Variants in NBAS observed in about 807,000 individuals in gnomAD.
NBAS encodes NBAS subunit of NRZ tethering complex.
NBAS carries 219 observed loss-of-function variants against 302.5 expected under a neutral mutation model. The observed-to-expected ratio is 0.72, with a 90% CI of 0.65 to 0.81. The LOEUF (loss-of-function observed/expected upper bound fraction) is 0.81. NBAS is among the 30% of genes least tolerant of loss of function. The pLI, the probability that NBAS is intolerant of heterozygous loss-of-function variation, is 0.00. For missense variants in NBAS, 2,932 were observed against 2,841.6 expected, an observed-to-expected ratio of 1.03 and a Z score of -0.72; for synonymous variants, 1,118 against 1,021.6, an observed-to-expected ratio of 1.09 and a Z score of -1.80.
rs768797335 is a variant in NBAS at position 15,427,718 on chromosome 2, C to G, written c.2416G>C (p.Ala806Pro). Reference protein sequence around the residue: ...HRAKDWCEELACRMVVEPNLQ... With the variant: ...HRAKDWCEELPCRMVVEPNLQ... Reference sequence around the variant, plus strand: ...CTGCAGGCTCATACTGACCTGCAAGCCAACTCCTCGCACCAATCTTTAGCT... The same window carrying G: ...CTGCAGGCTCATACTGACCTGCAAGGCAACTCCTCGCACCAATCTTTAGCT... The change falls in exon 22 of 52, where the codon GCT becomes CCT. Residue 806 changes from alanine (A) to proline (P), a missense_variant. Ala to Pro is a conservative substitution (Grantham distance 27). Transcript: ENST00000281513. 1.2e-6 allele frequency: 2 copies of G among 1,611,620 alleles called. No individual in the cohort carries two copies. The highest frequency in any genetic ancestry group is 3.3e-5 in the Admixed American group (2 of 59,870).
chr2:15,264,781 G>A (rs569994724), intron 44 of NBAS, among the ~76,000 whole-genome samples: 1 of 152,284 alleles, frequency 6.6e-6, no homozygotes, highest in Admixed American at 6.5e-5. Flanking sequence ...ATTCAGTCAT[G>A]TTACAACATC....
Position 15,366,711 on chromosome 2 carries a change from A to G in NBAS, c.3704-18T>C. 6.2e-7 allele frequency: 1 copy of G among 1,609,462 alleles called. No individual in the cohort carries two copies. Among genetic ancestry groups the G allele is most frequent in the South Asian group, 1.1e-5 (1 of 90,996 alleles). On this transcript the variant is annotated intron_variant, in intron 31 of 51. Transcript: ENST00000281513. ...CAATCGCACTACAAAAGAAAGACGT[A>G]TTAAAGACTTGGACCAGGGACATCA... is the stretch of plus-strand genomic sequence containing the variant.
chr2:15,550,197 G>A (rs936252808), intron 6 of NBAS, among the ~76,000 whole-genome samples: 7 of 152,064 alleles, frequency 4.6e-5, no homozygotes, highest in African/African-American at 1.7e-4. Flanking sequence ...GCATTTCCAT[G>A]AGGGAGTGGG....
At chr2:14,961,109 T>C in the NBAS span, among the ~76,000 whole-genome samples, 1 of 152,120 alleles carries the variant, frequency 6.6e-6, no homozygotes, top group African/African-American at 2.4e-5. Context: ...GTTGACTCTC[T>C]GTGGTATGAC....
intron 10 of NBAS, 134 bp from the exon 11 acceptor site, chr2:15,504,347 G>T: frequency 1.3e-6 from 1 of 779,776 alleles, no homozygotes; most frequent in Non-Finnish European, 2.1e-6. Context: ...CACCAAGAAG[G>T]TGTCAAGGAT....
At chr2:15,262,732 T>C (rs897814606) in intron 44 of NBAS, among the ~76,000 whole-genome samples, 9 of 152,184 alleles carry the variant, frequency 5.9e-5, no homozygotes, top group African/African-American at 2.2e-4. Context: ...AAAATTGTTT[T>C]CTCTGTTCTC....
chr2:15,353,598 G>T lies in NBAS; in HGVS notation c.4044C>A (p.Ser1348Arg). 6.2e-7 allele frequency: 1 copy of T among 1,614,066 alleles called. No individual in the cohort carries two copies. The highest frequency in any genetic ancestry group is 8.5e-7 in the Non-Finnish European group (1 of 1,179,966). The change falls in exon 34 of 52, where the codon AGC becomes AGA. Residue 1348 changes from serine to arginine, a missense_variant. Physicochemically the swap from Ser to Arg is moderately radical, Grantham distance 110. Coordinates refer to ENST00000281513, the MANE Select transcript of NBAS (RefSeq NM_015909.4). Reference sequence around the variant, plus strand: ...TAGCTGCCAAAAGAAGTTCAATGCTGCTAGGAGGGCAATGTGTCAAAGCAA... The same window carrying T: ...TAGCTGCCAAAAGAAGTTCAATGCTTCTAGGAGGGCAATGTGTCAAAGCAA... ...MAFALTHCPP[S>R]SIELLLAASS...
chr2:15,393,706 G>T (rs1346437133), intron 28 of NBAS: 1 of 470,284 alleles, frequency 2.1e-6, no homozygotes, highest in Non-Finnish European at 4.4e-6. Flanking sequence ...AAATGTCCAC[G>T]GACAGAGAAG....
chr2:15,109,076 C>T, the NBAS span, among the ~76,000 whole-genome samples: 1,214 of 152,144 alleles, frequency 8.0e-3, 18 homozygotes, highest in African/African-American at 0.028. Flanking sequence ...ATGCAAACTT[C>T]GGCTAATGTC....
chr2:15,022,892 T>C, the NBAS span, among the ~76,000 whole-genome samples: 1 of 152,162 alleles, frequency 6.6e-6, no homozygotes, highest in Non-Finnish European at 1.5e-5. Flanking sequence ...TACAGGTATA[T>C]GATTTTATAT....
intron 25 of NBAS, among the ~76,000 whole-genome samples, chr2:15,409,577 T>G (rs1200687676): frequency 6.6e-6 from 1 of 152,188 alleles, no homozygotes; most frequent in East Asian, 1.9e-4. Context: ...TGTTTTGCTT[T>G]TATTATTACA....
chr2:15,133,054 A>G, the NBAS span, among the ~76,000 whole-genome samples: 1 of 152,250 alleles, frequency 6.6e-6, no homozygotes, highest in East Asian at 1.9e-4. Context: ...AATATCATGC[A>G]TCTTGTGTTT....
chr2:15,218,258 C>T (rs981550211), intron 48 of NBAS, among the ~76,000 whole-genome samples: 8 of 152,058 alleles, frequency 5.3e-5, no homozygotes, highest in African/African-American at 1.5e-4. Context: ...GTATAATCTA[C>T]CATGCATATG....
chr2:14,881,783 T>C, the NBAS span, among the ~76,000 whole-genome samples: 1 of 152,186 alleles, frequency 6.6e-6, no homozygotes, highest in Non-Finnish European at 1.5e-5. Context: ...GCTGCGTAGT[T>C]ACAACAGAGC....
chr2:15,222,253 C>T (rs1666978655), intron 47 of NBAS, among the ~76,000 whole-genome samples: 1 of 152,116 alleles, frequency 6.6e-6, no homozygotes. Context: ...AATGTATGGG[C>T]TGGGGCAGAC....
chr2:15,307,046 C>A (rs1671063481), intron 40 of NBAS, among the ~76,000 whole-genome samples: 1 of 152,202 alleles, frequency 6.6e-6, no homozygotes, highest in African/African-American at 2.4e-5. Context: ...CCTTCTGCCT[C>A]CCCTCCCGGG....
chr2:14,862,319 A>G, the NBAS span, among the ~76,000 whole-genome samples: 2 of 152,064 alleles, frequency 1.3e-5, no homozygotes, highest in African/African-American at 2.4e-5. Context: ...GGGTTTCACC[A>G]TATTGGTCAG....
rs80317869 is a variant in NBAS at position 15,186,085 on chromosome 2, T to TACAC, written c.6711+653_6711+656dup. ...TTCTCTCCATACATACATATATATA[T>TACAC]ACACACACACACACACACACACACA... On this transcript the variant is annotated intron_variant, in intron 50 of 51. Transcript: ENST00000281513. 2.6e-4 allele frequency among the ~76,000 whole-genome samples: 38 copies of TACAC among 147,318 alleles called. No homozygotes were observed. The East Asian group carries it at 4.1e-3, about 16-fold the overall frequency.
chr2:14,905,054 A>G, the NBAS span, among the ~76,000 whole-genome samples: 1 of 152,190 alleles, frequency 6.6e-6, no homozygotes, highest in African/African-American at 2.4e-5. Flanking sequence ...CTCAAAAAAA[A>G]AGAAGTAACT....
Sources: gnomAD v4.1 joint callset for allele counts (sites outside exome capture counted in the v4.1 genomes callset) on GRCh38, gnomAD v4.1.1 for gene constraint, MANE v1.5 for transcripts, NCBI Gene and HGNC (gene_info 2026-07-23, HGNC 2026-07-21) for gene names.